NDUFAF2: variants seen among roughly 807,000 people sequenced by gnomAD.
The protein encoded by NDUFAF2 is NADH dehydrogenase [ubiquinone] 1 alpha subcomplex assembly factor 2.
NDUFAF2 carries 13 observed loss-of-function variants against 22.8 expected under a neutral mutation model. The observed-to-expected ratio is 0.57, with a 90% CI of 0.37 to 0.91. NDUFAF2 has a LOEUF of 0.91. Among genes scored for constraint, NDUFAF2 ranks in the 40% least tolerant of loss-of-function variants. NDUFAF2 has a pLI of 0.01. For missense variants in NDUFAF2, 162 were observed against 195.2 expected, an observed-to-expected ratio of 0.83 and a Z score of 1.01; for synonymous variants, 53 against 64.2, an observed-to-expected ratio of 0.83 and a Z score of 0.84.
At chr5:61,045,992 A>G (rs1751949919) in intron 1 of NDUFAF2, among the ~76,000 whole-genome samples, 3 of 152,210 alleles carry the variant, frequency 2.0e-5, no homozygotes, top group Middle Eastern at 3.4e-3. Context: ...CATTTCTTCT[A>G]TGTCTAATTT....
rs530506737 is a variant in NDUFAF2 at position 61,152,755 on chromosome 5, G to C, written c.310G>C (p.Asp104His). 7 of 1,587,594 alleles carry C rather than the reference G, an allele frequency of 4.4e-6. No homozygotes were observed. The South Asian group carries it at 8.2e-5, about 18-fold the overall frequency. ...AGAAGAAATCAAAATAAAAAGCCAAGATTTTTATGAAAAAGAAAAACTCCT... is the reference window on the plus strand; with the variant it reads ...AGAAGAAATCAAAATAAAAAGCCAACATTTTTATGAAAAAGAAAAACTCCT... ...HREEIKIKSQ[D>H]FYEKEKLLSK... Residue 104 changes from aspartate (D) to histidine (H), a missense_variant, in exon 4 of 4, where the codon GAT becomes CAT. Asp to His is a moderately conservative substitution (Grantham distance 81). Around this residue, in one of 2 missense-constraint regions of NDUFAF2, gnomAD observed 68 missense variants for 110.0 expected, o/e 0.62. Coordinates refer to ENST00000296597, the MANE Select transcript of NDUFAF2 (RefSeq NM_174889.5).
chr5:61,056,580 G>A (rs1195876927), intron 1 of NDUFAF2, among the ~76,000 whole-genome samples: 2 of 151,810 alleles, frequency 1.3e-5, no homozygotes, highest in African/African-American at 2.4e-5. Flanking sequence ...GAGTTTAAAC[G>A]AATGACTAAA....
At chr5:61,063,184 A>G (rs192512162) in intron 1 of NDUFAF2, among the ~76,000 whole-genome samples, 5 of 152,174 alleles carry the variant, frequency 3.3e-5, no homozygotes, top group African/African-American at 4.8e-5. Flanking sequence ...AAATCATACT[A>G]ATCTCTAGTA....
In NDUFAF2 at chr5:61,115,532, C is replaced by T. The variant is rs185832970; in HGVS notation, c.258+16500C>T. 123 of 152,260 alleles carry T rather than the reference C, an allele frequency of 8.1e-4. 1 individual carries two copies. Among genetic ancestry groups the T allele is most frequent in the African/African-American group, 2.5e-3 (102 of 41,552 alleles). 9.4% of individuals were successfully genotyped at this position (152,260 alleles called of 1,614,324 possible). ...TTAATGGAGGCTTCTATTTGGACCTCTTGCTCCCCTCTCCTCTTATAGTAT... is the reference window on the plus strand; with the variant it reads ...TTAATGGAGGCTTCTATTTGGACCTTTTGCTCCCCTCTCCTCTTATAGTAT... On this transcript the variant is annotated intron_variant, in intron 3 of 3. Coordinates refer to ENST00000296597, the MANE Select transcript of NDUFAF2 (RefSeq NM_174889.5).
intron 1 of NDUFAF2, among the ~76,000 whole-genome samples, chr5:61,043,089 G>A (rs957553717): frequency 2.0e-5 from 3 of 152,212 alleles, no homozygotes; most frequent in East Asian, 1.9e-4. Flanking sequence ...GCATGGTGGC[G>A]CATGCCTCTA....
chr5:61,037,995 T>C (rs1409058953), intron 1 of NDUFAF2, among the ~76,000 whole-genome samples: 1 of 147,956 alleles, frequency 6.8e-6, no homozygotes, highest in Non-Finnish European at 1.5e-5. Context: ...AGGAAAGACA[T>C]GACAGCATGA....
intron 1 of NDUFAF2, among the ~76,000 whole-genome samples, chr5:61,071,500 C>G (rs1188972613): frequency 6.6e-6 from 1 of 152,150 alleles, no homozygotes; most frequent in African/African-American, 2.4e-5. Flanking sequence ...ACAGTCACTC[C>G]CAGGAGTTTC....
chr5:61,065,463 C>A (rs765712108), intron 1 of NDUFAF2, among the ~76,000 whole-genome samples: 9 of 151,870 alleles, frequency 5.9e-5, no homozygotes, highest in Non-Finnish European at 1.3e-4. Flanking sequence ...ATTAGCAAAC[C>A]AAATCCAACA....
intron 1 of NDUFAF2, among the ~76,000 whole-genome samples, chr5:61,043,751 T>A (rs1751913053): frequency 6.6e-6 from 1 of 151,900 alleles, no homozygotes; most frequent in African/African-American, 2.4e-5. Flanking sequence ...TTTTCTTTAT[T>A]CAACATCCAT....
chr5:60,990,658 A>G (rs887444018), intron 1 of NDUFAF2, among the ~76,000 whole-genome samples: 1 of 152,172 alleles, frequency 6.6e-6, no homozygotes, highest in African/African-American at 2.4e-5. Context: ...TTTTCTATAT[A>G]GCAAATTTTT....
intron 1 of NDUFAF2, among the ~76,000 whole-genome samples, chr5:60,980,816 A>G (rs1750966860): frequency 6.6e-6 from 1 of 152,092 alleles, no homozygotes; most frequent in Non-Finnish European, 1.5e-5. Flanking sequence ...ATCAGAGTCT[A>G]TTAACAGCAA....
chr5:61,047,398 C>T (rs1217446800), intron 1 of NDUFAF2, among the ~76,000 whole-genome samples: 1 of 152,014 alleles, frequency 6.6e-6, no homozygotes, highest in Non-Finnish European at 1.5e-5. Context: ...CTGCACCTAA[C>T]CAATTGCCTT....
intron 2 of NDUFAF2, among the ~76,000 whole-genome samples, chr5:61,094,690 C>T (rs1003664507): frequency 6.6e-6 from 1 of 152,146 alleles, no homozygotes; most frequent in African/African-American, 2.4e-5. Context: ...TTGTTTGTTT[C>T]TTTTAATAGT....
chr5:61,040,302 G>GCT (rs1491236283), intron 1 of NDUFAF2, among the ~76,000 whole-genome samples: 1 of 146,368 alleles, frequency 6.8e-6, no homozygotes, highest in South Asian at 2.2e-4. Context: ...GCGCGCGCGC[G>GCT]AAAGTTGAAA....
At chr5:61,109,627 A>G (rs1185283021) in intron 3 of NDUFAF2, among the ~76,000 whole-genome samples, 1 of 152,166 alleles carries the variant, frequency 6.6e-6, no homozygotes, top group Non-Finnish European at 1.5e-5. Context: ...CCAGGTGTTT[A>G]GGAAAAGACC....
chr5:60,954,011 C>T (rs1444782843), intron 1 of NDUFAF2, among the ~76,000 whole-genome samples: 2 of 152,184 alleles, frequency 1.3e-5, no homozygotes, highest in South Asian at 2.1e-4. Flanking sequence ...TGTTCTAAAT[C>T]ATTATTTCTA....
intron 1 of NDUFAF2, among the ~76,000 whole-genome samples, chr5:60,950,520 A>G (rs1037769665): frequency 6.6e-6 from 1 of 151,952 alleles, no homozygotes; most frequent in African/African-American, 2.4e-5. Context: ...TGTTAGCTAT[A>G]ATTTTTTAGA....
intron 1 of NDUFAF2, among the ~76,000 whole-genome samples, chr5:60,966,096 T>C (rs1057132407): frequency 6.6e-6 from 1 of 152,224 alleles, no homozygotes; most frequent in South Asian, 2.1e-4. Flanking sequence ...GTTGTGGTTT[T>C]AATTTGCGTT....
chr5:61,113,800 A>G (rs1318401333), intron 3 of NDUFAF2, among the ~76,000 whole-genome samples: 1 of 137,020 alleles, frequency 7.3e-6, no homozygotes, highest in Non-Finnish European at 1.6e-5. Context: ...AAGAACAACT[A>G]ATACATAGGA....
Sources: gnomAD v4.1 joint callset for allele counts (sites outside exome capture counted in the v4.1 genomes callset) on GRCh38, gnomAD v4.1.1 for gene constraint, gnomAD v4.1.1 regional missense constraint, MANE v1.5 for transcripts, NCBI Gene and HGNC (gene_info 2026-07-23, HGNC 2026-07-21) for gene names.